Variants in USP13 observed in about 807,000 individuals in gnomAD.
USP13 encodes the protein ubiquitin specific peptidase 13, also known as ubiquitin carboxyl-terminal hydrolase 13.
Under a neutral mutation model 107.8 loss-of-function variants are expected in USP13, and 68 were observed. That is an observed-to-expected ratio of 0.63 (90% CI 0.52 to 0.77). The LOEUF (loss-of-function observed/expected upper bound fraction) is 0.77. Among genes scored for constraint, USP13 ranks in the 30% least tolerant of loss-of-function variants. USP13 has a pLI of 0.00. For missense variants in USP13, 945 were observed against 1,093.3 expected, an observed-to-expected ratio of 0.86 and a Z score of 1.91; for synonymous variants, 377 against 389.5, an observed-to-expected ratio of 0.97 and a Z score of 0.38.
intron 8 of USP13, among the ~76,000 whole-genome samples, chr3:179,728,099 G>C (rs1168516406): frequency 1.1e-5 from 1 of 87,966 alleles, no homozygotes; most frequent in African/African-American, 3.4e-5. Flanking sequence ...CCTCCCGGAC[G>C]GGGCAGCTGG....
rs1286327598 is a variant in USP13 at position 179,788,386 on chromosome 3, T to C, written c.*4245T>C. ...CACTCCATAAATCACTCTAAAAGAG[T>C]TTGCATAAGACTCGGTAGACCTGTG... On this transcript the variant is annotated 3_prime_UTR_variant, in exon 21 of 21. Coordinates refer to ENST00000263966, the MANE Select transcript of USP13 (RefSeq NM_003940.3). The C allele has an allele frequency of 6.6e-6, 1 of 152,172 alleles. No individual in the cohort carries two copies. The highest frequency in any genetic ancestry group is 6.5e-5 in the Admixed American group (1 of 15,274). The allele number at this position is 152,172 out of a possible 1,614,324, so 9.4% of individuals were successfully genotyped here. A position where few individuals can be genotyped will look rare whatever the true frequency, so the allele number is the denominator to read the frequency against.
At chr3:179,706,855 C>G in intron 4 of USP13, 79 bp from the exon 5 acceptor site, 1 of 1,458,158 alleles carries the variant, frequency 6.9e-7, no homozygotes, top group Admixed American at 2.4e-5. Context: ...AATTCATATT[C>G]TAGTGAATTT....
At chr3:179,702,776 A>T (rs1050307587) in intron 4 of USP13, among the ~76,000 whole-genome samples, 1 of 152,216 alleles carries the variant, frequency 6.6e-6, no homozygotes, top group African/African-American at 2.4e-5. Flanking sequence ...GTTACCAAGG[A>T]TAAAATATAT....
chr3:179,728,808 C>T (rs947385902), intron 8 of USP13, among the ~76,000 whole-genome samples: 7 of 152,280 alleles, frequency 4.6e-5, no homozygotes, highest in African/African-American at 1.2e-4. Context: ...AGCGAAACCC[C>T]GTCTCCACCA....
At chr3:179,728,905 G>C (rs960915853) in intron 8 of USP13, among the ~76,000 whole-genome samples, 2 of 133,468 alleles carry the variant, frequency 1.5e-5, no homozygotes, top group African/African-American at 5.6e-5. Context: ...TCAGGCAGCA[G>C]TACCGTCCAG....
In USP13 at chr3:179,740,300, C is replaced by T. The variant is rs780076484; in HGVS notation, c.1308C>T (p.Ser436=). 9 of 1,614,116 alleles carry T rather than the reference C, an allele frequency of 5.6e-6. No homozygotes were observed. The highest frequency in any genetic ancestry group is 7.6e-6 in the Non-Finnish European group (9 of 1,180,028). ...TGTTTAAGGCCTTTGTAAGCAAGAGCCACCCGGAATTCTCCTCTAACAGGC... is the reference window on the plus strand; with the variant it reads ...TGTTTAAGGCCTTTGTAAGCAAGAGTCACCCGGAATTCTCCTCTAACAGGC... ...PRMFKAFVSK[S]HPEFSSNRQQ... Residue 436 remains serine (S), a synonymous_variant, in exon 11 of 21, where the codon AGC becomes AGT. Coordinates refer to ENST00000263966, the MANE Select transcript of USP13 (RefSeq NM_003940.3).
chr3:179,705,730 AT>A (rs941479674), intron 4 of USP13, among the ~76,000 whole-genome samples: 13 of 151,418 alleles, frequency 8.6e-5, no homozygotes, highest in Admixed American at 4.0e-4. Context: ...TATTAAAAAA[AT>A]TTTTTTTTGA....
At chr3:179,663,836 G>A (rs577058307) in intron 1 of USP13, among the ~76,000 whole-genome samples, 24 of 152,208 alleles carry the variant, frequency 1.6e-4, no homozygotes, top group South Asian at 6.2e-4. Context: ...ATGCTCTTGC[G>A]TTGGCCTGGA....
chr3:179,783,860 TAAA>T (rs55669733), intron 20 of USP13, among the ~76,000 whole-genome samples, 185 bp from the exon 21 acceptor site: 50 of 137,276 alleles, frequency 3.6e-4, no homozygotes, highest in African/African-American at 9.9e-4. Context: ...CCTTGTCTCT[TAAA>T]AAAAAAAAAA....
chr3:179,750,430 A>G (rs936450253), intron 13 of USP13, among the ~76,000 whole-genome samples: 5 of 150,678 alleles, frequency 3.3e-5, no homozygotes, highest in South Asian at 2.1e-4. Context: ...AATAATGTGT[A>G]TTACTGCTTC....
intron 19 of USP13, among the ~76,000 whole-genome samples, chr3:179,781,102 A>C (rs76732580): frequency 0.012 from 1,860 of 152,324 alleles, 28 homozygotes; most frequent in Non-Finnish European, 0.018. Flanking sequence ...GTTAGAGAAT[A>C]AACATTGGTC....
At chr3:179,750,436 G>C (rs1261842160) in intron 13 of USP13, among the ~76,000 whole-genome samples, 1 of 150,702 alleles carries the variant, frequency 6.6e-6, no homozygotes, top group Non-Finnish European at 1.5e-5. Flanking sequence ...GTGTATTACT[G>C]CTTCTCAGAA....
At chr3:179,660,221 G>C (rs1025657111) in intron 1 of USP13, among the ~76,000 whole-genome samples, 1 of 152,040 alleles carries the variant, frequency 6.6e-6, no homozygotes, top group East Asian at 1.9e-4. Flanking sequence ...CACTACTGTC[G>C]ATCTCCAGTT....
chr3:179,718,030 G>A (rs750501717), intron 6 of USP13, among the ~76,000 whole-genome samples: 1 of 152,056 alleles, frequency 6.6e-6, no homozygotes, highest in Admixed American at 6.6e-5. Flanking sequence ...TAGCTTCTAT[G>A]CATTACTTTT....
chr3:179,705,194 A>G (rs142810198), intron 4 of USP13, among the ~76,000 whole-genome samples: 1,740 of 152,280 alleles, frequency 0.011, 33 homozygotes, highest in African/African-American at 0.04. Flanking sequence ...CCTTGGTTCT[A>G]GGGTCAGAAG....
At chr3:179,770,094 A>G (rs931756033) in intron 19 of USP13, among the ~76,000 whole-genome samples, 1 of 152,094 alleles carries the variant, frequency 6.6e-6, no homozygotes, top group Non-Finnish European at 1.5e-5. Flanking sequence ...TTTATTGCCT[A>G]GTTATTTTTC....
chr3:179,699,747 TTTTATTTATTTATTTATTTATTTA>T (rs71628092), intron 3 of USP13, among the ~76,000 whole-genome samples: 8 of 138,044 alleles, frequency 5.8e-5, no homozygotes, highest in Admixed American at 4.5e-4. Context: ...ATCTTATTTA[TTTTATTTATTTATTTATTTATTTA>T]TTTATTTATT....
chr3:179,722,398 A>G (rs73172294), intron 8 of USP13, among the ~76,000 whole-genome samples: 21,226 of 152,200 alleles, frequency 0.14, 1,820 homozygotes, highest in Admixed American at 0.19. Flanking sequence ...ATCGAGAGTG[A>G]GCATTGGGAA....
intron 13 of USP13, among the ~76,000 whole-genome samples, chr3:179,749,803 C>T (rs1345989041): frequency 2.6e-5 from 4 of 152,214 alleles, no homozygotes; most frequent in East Asian, 1.9e-4. Context: ...GCTAACACTC[C>T]GCCTAGATAC....
Sources: gnomAD v4.1 joint callset for allele counts (sites outside exome capture counted in the v4.1 genomes callset) on GRCh38, gnomAD v4.1.1 for gene constraint, MANE v1.5 for transcripts, NCBI Gene and HGNC (gene_info 2026-07-23, HGNC 2026-07-21) for gene names.